KCNQ3: variants seen among roughly 807,000 people sequenced by gnomAD.
KCNQ3 encodes the protein potassium voltage-gated channel subfamily Q member 3.
Under a neutral mutation model 92.5 loss-of-function variants are expected in KCNQ3, and 30 were observed. The ratio of observed to expected loss-of-function variants is 0.32; its 90% CI spans 0.24 to 0.44. The LOEUF (loss-of-function observed/expected upper bound fraction) is 0.44. Among genes scored for constraint, KCNQ3 ranks in the 20% least tolerant of loss-of-function variants. The pLI, the probability that KCNQ3 is intolerant of heterozygous loss-of-function variation, is 1.00. For synonymous variants in KCNQ3, 450 were observed against 468.8 expected, an observed-to-expected ratio of 0.96 and a Z score of 0.52; for missense variants, 913 against 1,140.3, an observed-to-expected ratio of 0.80 and a Z score of 2.87.
chr8:132,212,223 T>C (rs1813883920), intron 1 of KCNQ3, among the ~76,000 whole-genome samples: 1 of 152,002 alleles, frequency 6.6e-6, no homozygotes, highest in Admixed American at 6.6e-5. Flanking sequence ...CTTTTCCAAC[T>C]CAAGAATTTA....
intron 1 of KCNQ3, among the ~76,000 whole-genome samples, chr8:132,360,627 C>A (rs1819138715): frequency 6.6e-6 from 1 of 152,200 alleles, no homozygotes; most frequent in Non-Finnish European, 1.5e-5. Flanking sequence ...AGACTCACGA[C>A]AAGAGCTGCT....
intron 1 of KCNQ3, among the ~76,000 whole-genome samples, chr8:132,341,454 T>C (rs763681262): frequency 2.0e-5 from 3 of 152,230 alleles, no homozygotes; most frequent in Non-Finnish European, 4.4e-5. Context: ...GCCACACCCA[T>C]GGACATTCTA....
intron 1 of KCNQ3, among the ~76,000 whole-genome samples, chr8:132,253,077 C>A (rs1815468930): frequency 6.6e-6 from 1 of 152,226 alleles, no homozygotes; most frequent in South Asian, 2.1e-4. Context: ...GGCACTTCTG[C>A]ATCCCTTTTC....
At chr8:132,455,910 T>TA (rs571156995) in intron 1 of KCNQ3, among the ~76,000 whole-genome samples, 226 of 150,604 alleles carry the variant, frequency 1.5e-3, no homozygotes, top group Middle Eastern at 3.4e-3. Flanking sequence ...CCTGGCTAAT[T>TA]TTTTTTTTGT....
rs1028936293 is a variant in KCNQ3, at chr8:132,125,829, C to A, written c.*3433G>T. 1 of 152,108 alleles carries A rather than the reference C, an allele frequency of 6.6e-6. No homozygotes were observed. The highest frequency in any genetic ancestry group is 1.5e-5 in the Non-Finnish European group (1 of 68,018). The allele number at this position is 152,108 out of a possible 1,614,324, so 9.4% of individuals were successfully genotyped here. A position where few individuals can be genotyped will look rare whatever the true frequency, so the allele number is the denominator to read the frequency against. On this transcript the variant is annotated 3_prime_UTR_variant, in exon 15 of 15. Transcript: ENST00000388996. ...TGTCATGTCTAATAAGCCTAAATTT[C>A]CAGTTCTAAAAACAAAGTTATTCAA...
chr8:132,386,034 TG>T (rs199562341), intron 1 of KCNQ3, among the ~76,000 whole-genome samples: 1 of 151,804 alleles, frequency 6.6e-6, no homozygotes, highest in Non-Finnish European at 1.5e-5. Context: ...GGCCCTGGGA[TG>T]GGGGGATGGT....
At chr8:132,223,742 GT>G (rs1814313357) in intron 1 of KCNQ3, among the ~76,000 whole-genome samples, 1 of 152,102 alleles carries the variant, frequency 6.6e-6, no homozygotes, top group Non-Finnish European at 1.5e-5. Context: ...ACTCTGGGAG[GT>G]TCTGATGCTG....
chr8:132,225,029 T>C (rs1354166588), intron 1 of KCNQ3, among the ~76,000 whole-genome samples: 1 of 152,178 alleles, frequency 6.6e-6, no homozygotes, highest in East Asian at 1.9e-4. Context: ...TAATCAATCA[T>C]TTATAGTAAA....
Position 132,170,443 on chromosome 8 carries a change from A to C in KCNQ3, c.1141-15T>G, listed in dbSNP as rs779754920. The C allele has an allele frequency of 6.3e-7, 1 of 1,584,472 alleles. No homozygotes were observed. The highest frequency in any genetic ancestry group is 8.7e-7 in the Non-Finnish European group (1 of 1,153,432). ...CTCCAGGCAGCCTGAGGGGCAGAAA[A>C]GAGGGGCAACAATGAGTGGGCACCA... On this transcript the variant is annotated splice_polypyrimidine_tract_variant and intron_variant, in intron 7 of 14. Coordinates refer to ENST00000388996, the MANE Select transcript of KCNQ3 (RefSeq NM_004519.4).
chr8:132,422,499 C>T (rs1820998048), intron 1 of KCNQ3, among the ~76,000 whole-genome samples: 1 of 152,168 alleles, frequency 6.6e-6, no homozygotes, highest in Non-Finnish European at 1.5e-5. Context: ...ACTGTTCTCC[C>T]AACTGTGCAT....
intron 1 of KCNQ3, among the ~76,000 whole-genome samples, chr8:132,274,519 G>T (rs1049542380): frequency 6.6e-6 from 1 of 152,098 alleles, no homozygotes; most frequent in Non-Finnish European, 1.5e-5. Flanking sequence ...TCTCTAACAG[G>T]GTTCAACTAG....
At chr8:132,258,289 T>C (rs1474993080) in intron 1 of KCNQ3, among the ~76,000 whole-genome samples, 1 of 152,082 alleles carries the variant, frequency 6.6e-6, no homozygotes, top group African/African-American at 2.4e-5. Flanking sequence ...AAAGTGAAAA[T>C]AATTGAAATA....
At chr8:132,177,569 A>T (rs1220304871) in intron 4 of KCNQ3, among the ~76,000 whole-genome samples, 2 of 152,184 alleles carry the variant, frequency 1.3e-5, no homozygotes, top group African/African-American at 4.8e-5. Flanking sequence ...CACACATCGG[A>T]TACACTGTAA....
intron 1 of KCNQ3, among the ~76,000 whole-genome samples, chr8:132,244,987 T>C (rs1815118212): frequency 6.6e-6 from 1 of 151,704 alleles, no homozygotes; most frequent in African/African-American, 2.4e-5. Context: ...CATTGGTATA[T>C]TTTCAGTCAG....
chr8:132,141,537 G>A (rs529411870), intron 9 of KCNQ3, among the ~76,000 whole-genome samples: 2 of 152,172 alleles, frequency 1.3e-5, no homozygotes, highest in African/African-American at 4.8e-5. Context: ...TTATACCCTG[G>A]GCAAGACTTC....
intron 1 of KCNQ3, among the ~76,000 whole-genome samples, chr8:132,245,846 T>C (rs1351584367): frequency 6.6e-6 from 1 of 152,220 alleles, no homozygotes; most frequent in Non-Finnish European, 1.5e-5. Context: ...TTTGTTTGCT[T>C]ATCCACTAGT....
chr8:132,355,702 T>C (rs10956659), intron 1 of KCNQ3, among the ~76,000 whole-genome samples: 152,360 of 152,360 alleles, frequency 1, 76,180 homozygotes, highest in Non-Finnish European at 1. Flanking sequence ...CCTGGTTTCT[T>C]TTGAACCTGC....
In KCNQ3 at chr8:132,357,216, G is replaced by A. The variant is rs189678570; in HGVS notation, c.386+122931C>T. ...AAAAATAATGCCCCTATCTTAGCTT[G>A]GGCTTCCCCAAAAGCAGAACCCAAG... On this transcript the variant is annotated intron_variant, in intron 1 of 14. Coordinates refer to ENST00000388996, the MANE Select transcript of KCNQ3 (RefSeq NM_004519.4). Among the ~76,000 whole-genome samples, 515 of 152,282 alleles carry A rather than the reference G, an allele frequency of 3.4e-3. 5 individuals carry two copies. Among genetic ancestry groups the A allele is most frequent in the Middle Eastern group, 0.031 (9 of 294 alleles).
At chr8:132,177,467 C>T (rs1316395747) in intron 4 of KCNQ3, among the ~76,000 whole-genome samples, 2 of 152,098 alleles carry the variant, frequency 1.3e-5, no homozygotes, top group Non-Finnish European at 2.9e-5. Flanking sequence ...CCTCCTTGTC[C>T]CTTAAATCCA....
Sources: allele counts gnomAD v4.1 joint callset (sites outside exome capture counted in the v4.1 genomes callset), GRCh38; gene constraint gnomAD v4.1.1; transcripts MANE v1.5; gene names NCBI Gene and HGNC (gene_info 2026-07-23, HGNC 2026-07-21).